The following LRMDA variants were observed in gnomAD, a reference collection of about 807,000 sequenced individuals.
LRMDA encodes leucine-rich melanocyte differentiation-associated protein.
A neutral mutation model predicts 29.8 loss-of-function variants in LRMDA; 18 were observed. The observed-to-expected ratio is 0.60, with a 90% CI of 0.42 to 0.90. LRMDA has a LOEUF of 0.90. Among genes scored for constraint, LRMDA ranks in the 40% least tolerant of loss-of-function variants. The pLI is 0.00. For missense variants in LRMDA, 273 were observed against 273.9 expected (o/e 1.00, Z 0.02); for synonymous variants, 125 against 109.4 (o/e 1.14, Z -0.89).
In LRMDA at chr10:76,558,150, C is replaced by T. The variant is rs1418726358; in HGVS notation, c.*862C>T. On this transcript the variant is annotated 3_prime_UTR_variant, in exon 7 of 7. Coordinates refer to ENST00000611255, the MANE Select transcript of LRMDA (RefSeq NM_001305581.2). ...TCTTATTTATTAATTTATTTTTAAC[C>T]GTACACACTTCCAGTGATGCCTGTG... 4.6e-5 allele frequency: 7 copies of T among 152,116 alleles called. No homozygotes were observed. Among genetic ancestry groups the T allele is most frequent in the Non-Finnish European group, 1.0e-4 (7 of 68,056 alleles). 9.4% of individuals were successfully genotyped at this position (152,116 alleles called of 1,614,324 possible).
chr10:75,521,566 A>T (rs1360776582), intron 2 of LRMDA, among the ~76,000 whole-genome samples: 1 of 152,110 alleles, frequency 6.6e-6, no homozygotes, highest in Admixed American at 6.5e-5. Context: ...CCATGGGAAA[A>T]GTGCAGTATT....
At position 76,433,438 on chromosome 10, in the gene LRMDA, T is replaced by G. The variant is rs545518821; in HGVS notation, c.601+108953T>G. 4.6e-5 allele frequency among the ~76,000 whole-genome samples: 7 copies of G among 152,120 alleles called. 1 individual carries two copies. Among genetic ancestry groups the G allele is most frequent in the African/African-American group, 1.4e-4 (6 of 41,516 alleles). On this transcript the variant is annotated intron_variant, in intron 6 of 6. Coordinates refer to ENST00000611255, the MANE Select transcript of LRMDA (RefSeq NM_001305581.2). ...CAGGCAAGGAAACAGCTAATAAGTG[T>G]TGTTAGTGGTTTCCATGGGGAGGAC...
chr10:76,413,679 T>G (rs1355871491), intron 6 of LRMDA, among the ~76,000 whole-genome samples: 1 of 152,114 alleles, frequency 6.6e-6, no homozygotes, highest in African/African-American at 2.4e-5. Flanking sequence ...TAGTATAAAA[T>G]TTATCTATTT....
chr10:76,426,778 C>T (rs965075615), intron 6 of LRMDA, among the ~76,000 whole-genome samples: 33 of 152,172 alleles, frequency 2.2e-4, no homozygotes, highest in Admixed American at 1.8e-3. Context: ...TTAATTTTTG[C>T]ATAAGGTGTA....
intron 5 of LRMDA, among the ~76,000 whole-genome samples, chr10:76,080,541 G>A (rs1050993866): frequency 2.6e-5 from 4 of 152,218 alleles, no homozygotes; most frequent in Non-Finnish European, 4.4e-5. Context: ...ACAGTGGCCA[G>A]CCTTGGACCA....
intron 6 of LRMDA, among the ~76,000 whole-genome samples, chr10:76,328,528 T>G (rs757709029): frequency 2.0e-5 from 3 of 152,134 alleles, no homozygotes; most frequent in Non-Finnish European, 4.4e-5. Flanking sequence ...TGCCCTTAAT[T>G]CTCAGGTCCC....
At chr10:75,561,510 T>C (rs1840295183) in intron 2 of LRMDA, among the ~76,000 whole-genome samples, 1 of 151,954 alleles carries the variant, frequency 6.6e-6, no homozygotes, top group East Asian at 1.9e-4. Context: ...TTTTAAAGGG[T>C]TTTTTGAGTC....
At chr10:76,351,246 G>A (rs530062074) in intron 6 of LRMDA, among the ~76,000 whole-genome samples, 8 of 152,262 alleles carry the variant, frequency 5.3e-5, no homozygotes, top group East Asian at 3.9e-4. Context: ...TGCAGAGGAT[G>A]CTTCAGCTAC....
At chr10:75,996,741 T>C (rs1462618435) in intron 2 of LRMDA, among the ~76,000 whole-genome samples, 4 of 151,718 alleles carry the variant, frequency 2.6e-5, no homozygotes, top group African/African-American at 9.7e-5. Context: ...TGGTGTTTTT[T>C]TTTTTTTTTG....
intron 2 of LRMDA, among the ~76,000 whole-genome samples, chr10:75,635,568 C>A (rs1841381054): frequency 6.6e-6 from 1 of 152,076 alleles, no homozygotes; most frequent in South Asian, 2.1e-4. Context: ...AGGGCCACAA[C>A]CATCACCCAC....
chr10:75,589,444 G>T (rs1840694269), intron 2 of LRMDA, among the ~76,000 whole-genome samples: 1 of 151,720 alleles, frequency 6.6e-6, no homozygotes, highest in African/African-American at 2.4e-5. Context: ...TTTTTCTTTG[G>T]GTTTTTGTCT....
intron 6 of LRMDA, among the ~76,000 whole-genome samples, chr10:76,397,617 G>A (rs1320373313): frequency 6.6e-6 from 1 of 152,324 alleles, no homozygotes; most frequent in South Asian, 2.1e-4. Context: ...TTTGGAGGCT[G>A]TGCCTTCGCT....
At chr10:76,020,454 C>A (rs1185183317) in intron 2 of LRMDA, among the ~76,000 whole-genome samples, 1 of 152,182 alleles carries the variant, frequency 6.6e-6, no homozygotes, top group Non-Finnish European at 1.5e-5. Flanking sequence ...TTCTTGAGTG[C>A]TTTCTGGTTT....
At chr10:76,035,533 A>G (rs1025939087) in intron 2 of LRMDA, among the ~76,000 whole-genome samples, 3 of 152,202 alleles carry the variant, frequency 2.0e-5, no homozygotes, top group African/African-American at 7.2e-5. Flanking sequence ...CTAAGAAATG[A>G]TACTTGAAGT....
At chr10:75,918,774 G>C (rs896736816) in intron 2 of LRMDA, among the ~76,000 whole-genome samples, 7 of 152,180 alleles carry the variant, frequency 4.6e-5, no homozygotes, top group Admixed American at 2.0e-4. Context: ...GCATAGAGTA[G>C]GTAAGTATGA....
At chr10:76,478,900 G>C (rs1385244052) in intron 6 of LRMDA, among the ~76,000 whole-genome samples, 1 of 150,162 alleles carries the variant, frequency 6.7e-6, no homozygotes, top group East Asian at 2.0e-4. Flanking sequence ...CCTGTTGTGG[G>C]GTGTGGGGGA....
At chr10:75,613,683 C>A (rs757834239) in intron 2 of LRMDA, among the ~76,000 whole-genome samples, 52 of 152,174 alleles carry the variant, frequency 3.4e-4, no homozygotes, top group Non-Finnish European at 6.6e-4. Flanking sequence ...CAAACAATTT[C>A]TCCAGAGCAA....
chr10:75,616,249 TAGCAGCAGCAGCAGCAGCAGC>T (rs58265820), intron 2 of LRMDA, among the ~76,000 whole-genome samples: 19 of 150,416 alleles, frequency 1.3e-4, no homozygotes, highest in African/African-American at 4.2e-4. Context: ...GTAGCAGCAG[TAGCAGCAGCAGCAGCAGCAGC>T]AGCAGCAGCA....
At chr10:75,869,962 C>T (rs554441961) in intron 2 of LRMDA, among the ~76,000 whole-genome samples, 1 of 152,242 alleles carries the variant, frequency 6.6e-6, no homozygotes, top group South Asian at 2.1e-4. Flanking sequence ...CCTAACTGTC[C>T]CTTACACTAT....
Sources: allele counts gnomAD v4.1 joint callset (sites outside exome capture counted in the v4.1 genomes callset), GRCh38; gene constraint gnomAD v4.1.1; transcripts MANE v1.5; gene names NCBI Gene and HGNC (gene_info 2026-07-23, HGNC 2026-07-21).